Variants in KRT72 observed in about 807,000 individuals in gnomAD.
KRT72 encodes keratin 72, also known as keratin, type II cytoskeletal 72.
A neutral mutation model predicts 44.7 loss-of-function variants in KRT72; 44 were observed. The ratio of observed to expected loss-of-function variants is 0.98; its 90% CI spans 0.77 to 1.27. KRT72 has a LOEUF of 1.27. Among genes scored for constraint, KRT72 ranks in the 50% most tolerant of loss-of-function variants. The pLI, the probability that KRT72 is intolerant of heterozygous loss-of-function variation, is 0.00. For synonymous variants in KRT72, 302 were observed against 280.4 expected (o/e 1.08, Z -0.77); for missense variants, 736 against 667.1 (o/e 1.10, Z -1.14).
Position 52,592,469 on chromosome 12 carries a change from T to C in KRT72, c.725A>G (p.Asn242Ser), listed in dbSNP as rs200192876. The change falls in exon 4 of 9, where the codon AAT becomes AGT. Residue 242 changes from asparagine to serine, a missense_variant. Transcript: ENST00000293745. ...LKKDVDAAYM[N>S]KVELQAKVDS... is the part of the protein sequence containing the mutation. The stretch of plus-strand genomic sequence containing the variant: ...CACCTTGGCCTGGAGCTCAACCTTA[T>C]TCATGTAAGCAGCATCCACGTCCTG... 21 of 1,614,124 alleles carry C rather than the reference T, an allele frequency of 1.3e-5. No homozygotes were observed. The East Asian group carries it at 4.0e-4, about 31-fold the overall frequency.
chr12:52,585,903 G>C lies in KRT72; in HGVS notation c.*79C>G. On this transcript the variant is annotated 3_prime_UTR_variant, in exon 9 of 9. Coordinates refer to ENST00000293745, the MANE Select transcript of KRT72 (RefSeq NM_080747.3). ...GACAGACAAAGCATTTCTTGACTTG[G>C]AAAGGGAGCCCAGGGAAGGAGAGGG... 1 of 1,314,902 alleles carries C rather than the reference G, an allele frequency of 7.6e-7. No individual in the cohort carries two copies. The highest frequency in any genetic ancestry group is 1.1e-6 in the Non-Finnish European group (1 of 935,976). 81.5% of individuals were successfully genotyped at this position (1,314,902 alleles called of 1,614,324 possible). A position where few individuals can be genotyped will look rare whatever the true frequency, so the allele number is the denominator to read the frequency against.
chr12:52,599,144 C>T (rs761892727), intron 1 of KRT72, 32 bp from the exon 2 acceptor site: 5 of 1,607,952 alleles, frequency 3.1e-6, no homozygotes, highest in Admixed American at 1.7e-5. Flanking sequence ...CGCCCAGAGT[C>T]CCCATGTTGT....
At chr12:52,593,155 AT>A (rs1044882254) in intron 2 of KRT72, among the ~76,000 whole-genome samples, 5 of 152,204 alleles carry the variant, frequency 3.3e-5, no homozygotes, top group African/African-American at 1.2e-4. Flanking sequence ...GTGCCTGTGC[AT>A]TCTGTCTTAA....
chr12:52,587,364 C>G (rs367885057), intron 7 of KRT72, among the ~76,000 whole-genome samples: 1 of 152,152 alleles, frequency 6.6e-6, no homozygotes, highest in Non-Finnish European at 1.5e-5. Flanking sequence ...CTCCTCCCCC[C>G]ACCCACAAAA....
chr12:52,599,847 A>G (rs954796621), intron 1 of KRT72, among the ~76,000 whole-genome samples: 1 of 152,188 alleles, frequency 6.6e-6, no homozygotes, highest in Non-Finnish European at 1.5e-5. Flanking sequence ...GTCCAAGGTG[A>G]GCTCATTTCT....
Position 52,585,880 on chromosome 12 carries a change from C to T in KRT72, c.*102G>A. The T allele has an allele frequency of 9.7e-7, 1 of 1,033,328 alleles. No homozygotes were observed. Among genetic ancestry groups the T allele is most frequent in the South Asian group, 1.5e-5 (1 of 67,426 alleles). 64.0% of individuals were successfully genotyped at this position (1,033,328 alleles called of 1,614,324 possible). On this transcript the variant is annotated 3_prime_UTR_variant, in exon 9 of 9. Transcript: ENST00000293745. ...GGAAATGGGGTTGGGACTGTAGTGA[C>T]AGACAAAGCATTTCTTGACTTGGAA...
At position 52,591,471 on chromosome 12, in the gene KRT72, T is replaced by C; in HGVS notation, c.956A>G (p.Gln319Arg). The part of the protein sequence containing the change: ...KSKAEAETLY[Q>R]TKIQELQVTA... ...CACCTGGCACCAGCTCACCTTGGTC[T>C]GGTACAGGGTCTCAGCCTCGGCCTT... Residue 319 changes from glutamine to arginine, a missense_variant, in exon 5 of 9, where the codon CAG (glutamine) becomes CGG (arginine). Physicochemically the swap from Gln to Arg is conservative, Grantham distance 43 (BLOSUM62 1). Coordinates refer to ENST00000293745, the MANE Select transcript of KRT72 (RefSeq NM_080747.3). 1.2e-6 allele frequency: 2 copies of C among 1,613,338 alleles called. No individual in the cohort carries two copies. Among genetic ancestry groups the C allele is most frequent in the Non-Finnish European group, 1.7e-6 (2 of 1,179,440 alleles).
At chr12:52,593,615 G>C (rs1940133574) in intron 2 of KRT72, among the ~76,000 whole-genome samples, 1 of 152,148 alleles carries the variant, frequency 6.6e-6, no homozygotes, top group Non-Finnish European at 1.5e-5. Context: ...GCATTGGTAA[G>C]AAATAATTAA....
rs1940083232 is a variant in KRT72 at position 52,592,576 on chromosome 12, C to T, written c.703-85G>A. 5.0e-6 allele frequency: 5 copies of T among 991,154 alleles called. No homozygotes were observed. The South Asian group carries it at 7.1e-5, about 14-fold the overall frequency. The allele number at this position is 991,154 out of a possible 1,614,324, so 61.4% of individuals were successfully genotyped here. A position where few individuals can be genotyped will look rare whatever the true frequency, so the allele number is the denominator to read the frequency against. ...CCTGCCACAGGAAGCCTTGCTCTTT[C>T]CTCTCCCTTCACCCTGTGCTTCATG... On this transcript the variant is annotated intron_variant, in intron 3 of 8. Transcript: ENST00000293745.
At chr12:52,599,469 G>T in intron 1 of KRT72, 1 of 465,194 alleles carries the variant, frequency 2.1e-6, no homozygotes, top group South Asian at 1.5e-5. Flanking sequence ...ACATTGGAAA[G>T]CACACTGGCA....
chr12:52,598,932 T>C lies in KRT72; in HGVS notation c.607A>G (p.Asn203Asp). 6.2e-7 allele frequency: 1 copy of C among 1,614,198 alleles called. No individual in the cohort carries two copies. Among genetic ancestry groups the C allele is most frequent in the Non-Finnish European group, 8.5e-7 (1 of 1,180,030 alleles). Residue 203 changes from asparagine to aspartate, a missense_variant, in exon 2 of 9, where the codon AAC becomes GAC. Coordinates refer to ENST00000293745, the MANE Select transcript of KRT72 (RefSeq NM_080747.3). ...DGVRLDSELR[N>D]MQDLVEDYKK... ...TAGTCCTCCACCAAATCCTGCATGT[T>C]CCTCAGCTCCGAATCCAGCCTCACC...
At chr12:52,601,467 G>T, upstream of KRT72, 1 of 1,532,882 alleles carries the variant, frequency 6.5e-7, no homozygotes, top group Non-Finnish European at 8.7e-7. Flanking sequence ...CGCAAGTACC[G>T]GTGCTGGCCG....
At position 52,590,833 on chromosome 12, in the gene KRT72, C is replaced by T. The variant is rs1939977984; in HGVS notation, c.1089+3G>A. 1 of 1,570,628 alleles carries T rather than the reference C, an allele frequency of 6.4e-7. No individual in the cohort carries two copies. Among genetic ancestry groups the T allele is most frequent in the Non-Finnish European group, 8.7e-7 (1 of 1,150,258 alleles). ...GTTAGTGGATTAATTTCATAGAACC[C>T]ACCTGCTTCTTCACATTCCCTATCT... On this transcript the variant is annotated splice_donor_region_variant and intron_variant, in intron 6 of 8. Coordinates refer to ENST00000293745, the MANE Select transcript of KRT72 (RefSeq NM_080747.3).
upstream of KRT72, among the ~76,000 whole-genome samples, chr12:52,602,929 A>G (rs1011511368): frequency 3.3e-5 from 5 of 152,148 alleles, no homozygotes; most frequent in South Asian, 2.1e-4. Context: ...AGCGCTGGAG[A>G]TGGCACCGAT....
intron 5 of KRT72, 102 bp downstream of exon 5, chr12:52,591,362 A>ACACG (rs1200317490): frequency 7.7e-7 from 1 of 1,296,472 alleles, no homozygotes; most frequent in Non-Finnish European, 1.1e-6. Context: ...GCCCAAATAC[A>ACACG]CACACACACA....
chr12:52,599,276 T>C, intron 1 of KRT72, 164 bp from the exon 2 acceptor site: 1 of 704,170 alleles, frequency 1.4e-6, no homozygotes, highest in Non-Finnish European at 2.6e-6. Context: ...CTCACCTGGA[T>C]CTCCAAGACA....
At chr12:52,586,748 G>T (rs1939765976) in intron 8 of KRT72, among the ~76,000 whole-genome samples, 198 bp downstream of exon 8, 1 of 152,066 alleles carries the variant, frequency 6.6e-6, no homozygotes, top group South Asian at 2.1e-4. Flanking sequence ...CTTTCTATAG[G>T]TTGTACTTTT....
At chr12:52,590,661 C>G (rs1939967216) in intron 6 of KRT72, among the ~76,000 whole-genome samples, 175 bp downstream of exon 6, 1 of 152,224 alleles carries the variant, frequency 6.6e-6, no homozygotes, top group African/African-American at 2.4e-5. Flanking sequence ...TCCTGTAACA[C>G]TTACCTACAG....
At chr12:52,591,278 G>A (rs1162827811) in intron 5 of KRT72, among the ~76,000 whole-genome samples, 186 bp downstream of exon 5, 1 of 152,202 alleles carries the variant, frequency 6.6e-6, no homozygotes, top group African/African-American at 2.4e-5. Context: ...AGCCAAGACT[G>A]TAGTTAATCT....
Sources: allele counts gnomAD v4.1 joint callset (sites outside exome capture counted in the v4.1 genomes callset), GRCh38; gene constraint gnomAD v4.1.1; transcripts MANE v1.5; gene names NCBI Gene and HGNC (gene_info 2026-07-23, HGNC 2026-07-21).